Variants in FGD4 observed in about 807,000 individuals in gnomAD.
FGD4 encodes FYVE, RhoGEF and PH domain-containing protein 4.
A neutral mutation model predicts 102.0 loss-of-function variants in FGD4; 42 were observed. That is an observed-to-expected ratio of 0.41 (90% CI 0.32 to 0.53). The LOEUF (loss-of-function observed/expected upper bound fraction) is 0.53, where lower values mean the gene tolerates loss of function less well. Among genes scored for constraint, FGD4 ranks in the 20% least tolerant of loss-of-function variants. FGD4 has a pLI of 0.21. For synonymous variants in FGD4, 380 were observed against 375.7 expected (o/e 1.01, Z -0.13); for missense variants, 902 against 1,078.2 (o/e 0.84, Z 2.29).
At chr12:32,479,382 A>G (rs1337269035) in intron 1 of FGD4, among the ~76,000 whole-genome samples, 1 of 152,136 alleles carries the variant, frequency 6.6e-6, no homozygotes, top group Non-Finnish European at 1.5e-5. Context: ...TTTAATAGAA[A>G]CGGGGTCTCC....
At chr12:32,550,898 G>A (rs189987606) in intron 1 of FGD4, among the ~76,000 whole-genome samples, 1 of 152,202 alleles carries the variant, frequency 6.6e-6, no homozygotes, top group Admixed American at 6.5e-5. Context: ...AATTATTTGA[G>A]ACTTGAATTA....
chr12:32,455,603 A>G (rs1173726531), intron 1 of FGD4, among the ~76,000 whole-genome samples: 7 of 152,122 alleles, frequency 4.6e-5, no homozygotes, highest in African/African-American at 1.7e-4. Flanking sequence ...AATAAGCAGG[A>G]CATGTTCTGT....
intron 11 of FGD4, among the ~76,000 whole-genome samples, chr12:32,623,598 A>G (rs1306051825): frequency 6.6e-6 from 1 of 152,148 alleles, no homozygotes; most frequent in Non-Finnish European, 1.5e-5. Flanking sequence ...TAGCCCCTCT[A>G]CCAAGCACAT....
intron 15 of FGD4, among the ~76,000 whole-genome samples, chr12:32,635,460 C>T (rs1432011646): frequency 6.6e-6 from 1 of 152,106 alleles, no homozygotes; most frequent in East Asian, 1.9e-4. Context: ...GTATGAAGTC[C>T]ATACATAGGA....
At chr12:32,620,520 C>CTTTTTTTTTTTTTTTTTTTT (rs1233071153) in intron 11 of FGD4, among the ~76,000 whole-genome samples, 1 of 91,138 alleles carries the variant, frequency 1.1e-5, no homozygotes, top group Non-Finnish European at 2.0e-5. Flanking sequence ...TTTTTTCTTT[C>CTTTTTTTTTTTTTTTTTTTT]TTTTTTTTTT....
At chr12:32,499,882 G>T (rs1484152356) in intron 1 of FGD4, among the ~76,000 whole-genome samples, 3 of 152,228 alleles carry the variant, frequency 2.0e-5, no homozygotes, top group Non-Finnish European at 4.4e-5. Context: ...GCTGGGTGTG[G>T]TGGCACATGC....
chr12:32,421,339 A>G lies in FGD4; in HGVS notation c.166+21380A>G, dbSNP rs77114466. Among the ~76,000 whole-genome samples the G allele has an allele frequency of 2.9e-3, 435 of 152,328 alleles. 4 individuals are homozygous for G. Among genetic ancestry groups the G allele is most frequent in the African/African-American group, 1.0e-2 (414 of 41,572 alleles). On this transcript the variant is annotated intron_variant, in intron 1 of 16. Coordinates refer to ENST00000534526, the MANE Select transcript of FGD4 (RefSeq NM_001370298.3). ...TTTGTGCTGGGGTGTATTAGAGAAT[A>G]GTATACTTTTTGTTCTCTTTGAGTA...
intron 1 of FGD4, among the ~76,000 whole-genome samples, chr12:32,469,582 T>G (rs1438457191): frequency 1.3e-5 from 2 of 148,728 alleles, no homozygotes; most frequent in African/African-American, 5.0e-5. Flanking sequence ...CGTCCGGCCA[T>G]TTGCTATCTT....
chr12:32,619,195 A>T (rs1007954072), intron 10 of FGD4, among the ~76,000 whole-genome samples: 5 of 152,234 alleles, frequency 3.3e-5, no homozygotes, highest in African/African-American at 1.2e-4. Context: ...TGAATGGGAA[A>T]TATATTTTTC....
At chr12:32,639,095 A>T in intron 16 of FGD4, among the ~76,000 whole-genome samples, 1 of 152,212 alleles carries the variant, frequency 6.6e-6, no homozygotes, top group Non-Finnish European at 1.5e-5. Context: ...CGGGAGAAAC[A>T]AGCCTTTTTA....
intron 1 of FGD4, among the ~76,000 whole-genome samples, chr12:32,412,635 A>T (rs991022946): frequency 2.6e-5 from 4 of 152,090 alleles, no homozygotes; most frequent in Non-Finnish European, 5.9e-5. Flanking sequence ...TTTGAGATGG[A>T]GTCTCGCGCC....
At chr12:32,550,592 G>T (rs1264261409) in intron 1 of FGD4, among the ~76,000 whole-genome samples, 9 of 145,468 alleles carry the variant, frequency 6.2e-5, no homozygotes. Context: ...GATCACTTGA[G>T]CCTGTAAGGT....
chr12:32,433,630 C>T (rs963028327), intron 1 of FGD4, among the ~76,000 whole-genome samples: 2 of 152,062 alleles, frequency 1.3e-5, no homozygotes, highest in African/African-American at 4.8e-5. Flanking sequence ...AGCCACCGCA[C>T]CTGGCCTAAA....
At chr12:32,432,367 G>A (rs1942078290) in intron 1 of FGD4, among the ~76,000 whole-genome samples, 1 of 151,366 alleles carries the variant, frequency 6.6e-6, no homozygotes, top group South Asian at 2.1e-4. Context: ...ACCAATCCTA[G>A]CATTTTGGGA....
At chr12:32,491,007 G>A (rs993875456) in intron 1 of FGD4, among the ~76,000 whole-genome samples, 1 of 152,028 alleles carries the variant, frequency 6.6e-6, no homozygotes, top group Non-Finnish European at 1.5e-5. Context: ...CTACAATACA[G>A]TTCACCAGTG....
chr12:32,472,706 C>T (rs1199281904), intron 1 of FGD4, among the ~76,000 whole-genome samples: 1 of 152,248 alleles, frequency 6.6e-6, no homozygotes, highest in Non-Finnish European at 1.5e-5. Context: ...CAGGCAGCTC[C>T]ACCTGCAGCC....
chr12:32,543,379 G>C (rs1942994091), intron 1 of FGD4, among the ~76,000 whole-genome samples: 1 of 152,226 alleles, frequency 6.6e-6, no homozygotes, highest in South Asian at 2.1e-4. Context: ...ATGTAGACGT[G>C]ATCAATTATT....
At chr12:32,445,115 G>A (rs1433820662) in intron 1 of FGD4, among the ~76,000 whole-genome samples, 3 of 152,138 alleles carry the variant, frequency 2.0e-5, no homozygotes, top group Non-Finnish European at 4.4e-5. Context: ...GACAAATGAA[G>A]TGTGAAGGTA....
At chr12:32,405,837 A>G (rs1057259559) in intron 1 of FGD4, among the ~76,000 whole-genome samples, 2 of 151,984 alleles carry the variant, frequency 1.3e-5, no homozygotes, top group African/African-American at 4.8e-5. Flanking sequence ...AATTCAATCA[A>G]TAGTACTTAC....
Sources: allele counts gnomAD v4.1 joint callset (sites outside exome capture counted in the v4.1 genomes callset), GRCh38; gene constraint gnomAD v4.1.1; transcripts MANE v1.5; gene names NCBI Gene and HGNC (gene_info 2026-07-23, HGNC 2026-07-21).